CENPT: variants seen among roughly 807,000 people sequenced by gnomAD.
The protein encoded by CENPT is centromere protein T.
CENPT carries 42 observed loss-of-function variants against 59.7 expected under a neutral mutation model. The ratio of observed to expected loss-of-function variants is 0.70; its 90% CI spans 0.55 to 0.91. CENPT has a LOEUF of 0.91. CENPT is among the 40% of genes least tolerant of loss of function. The pLI is 0.00. For synonymous variants in CENPT, 295 were observed against 289.6 expected, an observed-to-expected ratio of 1.02 and a Z score of -0.19; for missense variants, 716 against 713.4, an observed-to-expected ratio of 1.00 and a Z score of -0.04.
Position 67,842,387 on chromosome 16 carries a change from T to G in CENPT, c.-492+5014A>C. Reference sequence around the variant, plus strand: ...GCGGCGCGGGCCGGCAGGAAGCGTATTCTGGGCACGGGGCGCCGGGCGGGC... The same window carrying G: ...GCGGCGCGGGCCGGCAGGAAGCGTAGTCTGGGCACGGGGCGCCGGGCGGGC... On this transcript the variant is annotated intron_variant, in intron 1 of 15. Coordinates refer to ENST00000562787, the MANE Select transcript of CENPT (RefSeq NM_025082.4). The surrounding 1 kb of genome is among the most constrained non-coding windows in gnomAD (Gnocchi z 4.9). 8.5e-5 allele frequency: 26 copies of G among 305,438 alleles called. No homozygotes were observed. Among genetic ancestry groups the G allele is most frequent in the Non-Finnish European group, 1.3e-4 (24 of 189,104 alleles). The allele number at this position is 305,438 out of a possible 1,614,324, so 18.9% of individuals were successfully genotyped here.
intron 13 of CENPT, chr16:67,829,072 CTTA>C: frequency 1.8e-6 from 1 of 545,014 alleles, no homozygotes. Context: ...CTGGTTCAGA[CTTA>C]TTATCTATAT....
chr16:67,831,048 G>A (rs777741681), intron 10 of CENPT, 168 bp downstream of exon 10: 7 of 823,744 alleles, frequency 8.5e-6, no homozygotes, highest in African/African-American at 5.1e-5. Context: ...CAAGGAAAGA[G>A]GCCCCCTGTA....
chr16:67,834,517 G>A (rs2057722870), intron 3 of CENPT, among the ~76,000 whole-genome samples: 1 of 152,122 alleles, frequency 6.6e-6, no homozygotes, highest in African/African-American at 2.4e-5. Flanking sequence ...TAATGGGGAG[G>A]CTGAGGCAGG....
chr16:67,829,967 A>G lies in CENPT; in HGVS notation c.984T>C (p.Asp328=). Residue 328 remains aspartate, a synonymous_variant, in exon 12 of 16, where the codon GAT becomes GAC. Transcript: ENST00000562787. ...SGEDEVEPLH[D]GVEEAEKKME... ...TCTTTTTCTCTGCCTCTTCAACTCC[A>G]TCGTGTAAGGGCTCTACTTCATCTT... The G allele has an allele frequency of 6.2e-7, 1 of 1,613,982 alleles. No homozygotes were observed. Among genetic ancestry groups the G allele is most frequent in the Non-Finnish European group, 8.5e-7 (1 of 1,180,012 alleles).
chr16:67,843,906 A>T lies in CENPT; in HGVS notation c.-492+3495T>A, dbSNP rs549178063. 1 of 176,670 alleles carries T rather than the reference A, an allele frequency of 5.7e-6. No homozygotes were observed. Among genetic ancestry groups the T allele is most frequent in the South Asian group, 1.8e-4 (1 of 5,616 alleles). 10.9% of individuals were successfully genotyped at this position (176,670 alleles called of 1,614,324 possible). A position where few individuals can be genotyped will look rare whatever the true frequency, so the allele number is the denominator to read the frequency against. ...AATGTGTGTAGTGATAAGAGATTCA[A>T]GTAACATCAGTTCTCCTCCTTTTCA... On this transcript the variant is annotated intron_variant, in intron 1 of 15. Coordinates refer to ENST00000562787, the MANE Select transcript of CENPT (RefSeq NM_025082.4). This position sits in a 1 kb window ranked among gnomAD's most constrained non-coding sequence, Gnocchi z 5.7.
At chr16:67,832,619 AG>A (rs2057704486) in intron 4 of CENPT, 74 bp from the exon 5 acceptor site, 1 of 1,368,236 alleles carries the variant, frequency 7.3e-7, no homozygotes, top group South Asian at 1.3e-5. Context: ...TGCCTTCATC[AG>A]GGGTCTTGGT....
Position 67,843,480 on chromosome 16 carries a change from G to A in CENPT, c.-492+3921C>T. 2 of 1,610,890 alleles carry A rather than the reference G, an allele frequency of 1.2e-6. No homozygotes were observed. The highest frequency in any genetic ancestry group is 1.1e-5 in the South Asian group (1 of 90,624). Reference sequence around the variant, plus strand: ...CGGCTGCTTGCCATGGCTGTCATCCGCAAGAAGCACGGAATGTGAACTGGT... The same window carrying A: ...CGGCTGCTTGCCATGGCTGTCATCCACAAGAAGCACGGAATGTGAACTGGT... On this transcript the variant is annotated intron_variant, in intron 1 of 15. Coordinates refer to ENST00000562787, the MANE Select transcript of CENPT (RefSeq NM_025082.4). The surrounding 1 kb of genome is among the most constrained non-coding windows in gnomAD (Gnocchi z 5.7).
Position 67,843,385 on chromosome 16 carries a change from G to A in CENPT, c.-492+4016C>T. The A allele has an allele frequency of 6.2e-7, 1 of 1,614,018 alleles. No homozygotes were observed. Among genetic ancestry groups the A allele is most frequent in the Non-Finnish European group, 8.5e-7 (1 of 1,180,048 alleles). ...CTCTGATGGAAGTGAAGATGAAAGA[G>A]ATGAAAGGCAGCATTCGCCACCTGC... On this transcript the variant is annotated intron_variant, in intron 1 of 15. Coordinates refer to ENST00000562787, the MANE Select transcript of CENPT (RefSeq NM_025082.4). This position sits in a 1 kb window ranked among gnomAD's most constrained non-coding sequence, Gnocchi z 5.7.
At chr16:67,832,682 C>T (rs1225862760) in intron 4 of CENPT, 137 bp from the exon 5 acceptor site, 2 of 686,100 alleles carry the variant, frequency 2.9e-6, no homozygotes, top group Non-Finnish European at 4.9e-6. Flanking sequence ...TTGCCCCTAC[C>T]ATCGCCCCTG....
intron 1 of CENPT, among the ~76,000 whole-genome samples, chr16:67,838,417 T>A (rs1172540797): frequency 1.4e-5 from 2 of 148,126 alleles, no homozygotes; most frequent in Non-Finnish European, 3.0e-5. Context: ...GGGTCAGGAG[T>A]TCGAGACCAG....
chr16:67,828,545 A>G lies in CENPT; in HGVS notation c.1491T>C (p.Asp497=), dbSNP rs1439262957. The G allele has an allele frequency of 1.2e-6, 2 of 1,614,074 alleles. No individual in the cohort carries two copies. The highest frequency in any genetic ancestry group is 1.7e-6 in the Non-Finnish European group (2 of 1,180,042). Residue 497 remains aspartate (D), a synonymous_variant, in exon 15 of 16, where the codon GAT becomes GAC. Coordinates refer to ENST00000562787, the MANE Select transcript of CENPT (RefSeq NM_025082.4). ...LDKYFQHLCD[D]LEVFAAHAGR... The stretch of plus-strand genomic sequence containing the variant: ...CAGCATGAGCAGCAAATACCTCCAG[A>G]TCATCACAAAGATGCTGGAAATATT...
rs771421701 is a variant in CENPT at position 67,828,323 on chromosome 16, G to A, written c.1630C>T (p.Arg544Trp). Reference sequence around the variant, plus strand: ...TATGCACAGGGGATGAGCAGCTGCCGGTACTCCAGGGGCAGGTGCCGCTCC... The same window carrying A: ...TATGCACAGGGGATGAGCAGCTGCCAGTACTCCAGGGGCAGGTGCCGCTCC... ...LVERHLPLEY[R>W]QLLIPCAYSG... Residue 544 changes from arginine to tryptophan, a missense_variant, in exon 16 of 16, where the codon CGG becomes TGG. By Grantham distance (101) the Arg-to-Trp change is moderately radical. Coordinates refer to ENST00000562787, the MANE Select transcript of CENPT (RefSeq NM_025082.4). 8 of 1,608,968 alleles carry A rather than the reference G, an allele frequency of 5.0e-6. No individual in the cohort carries two copies. Among genetic ancestry groups the A allele is most frequent in the Non-Finnish European group, 6.0e-6 (7 of 1,176,258 alleles).
In CENPT at chr16:67,842,923, G is replaced by GCAGCAGCAA. The variant is rs2057774356; in HGVS notation, c.-492+4477_-492+4478insTTGCTGCTG. On this transcript the variant is annotated intron_variant, in intron 1 of 15. Coordinates refer to ENST00000562787, the MANE Select transcript of CENPT (RefSeq NM_025082.4). The surrounding 1 kb of genome is among the most constrained non-coding windows in gnomAD (Gnocchi z 4.9). ...AGCAACAGCAGCAGCAGCAGCAACA[G>GCAGCAGCAA]CAGCAGCAGCAGCAGCAGCAGCAGC... 1.6e-5 allele frequency: 11 copies of GCAGCAGCAA among 705,544 alleles called. No individual in the cohort carries two copies. Among genetic ancestry groups the GCAGCAGCAA allele is most frequent in the East Asian group, 1.0e-4 (2 of 19,232 alleles). 43.7% of individuals were successfully genotyped at this position (705,544 alleles called of 1,614,324 possible).
In CENPT at chr16:67,828,803, G is replaced by T. The variant is rs188159138; in HGVS notation, c.1321C>A (p.Pro441Thr). ...GGGCCGGTGGTCCGGGGCCTAGGGG[G>T]ATGCCTGACCAACAGAGGCTCTGCA... ...EPAEPLLVRH[P>T]PRPRTTGPRP... Residue 441 changes from proline to threonine, a missense_variant, in exon 14 of 16, where the codon CCC (proline) becomes ACC (threonine). Transcript: ENST00000562787. The T allele has an allele frequency of 1.3e-6, 2 of 1,596,282 alleles. No individual in the cohort carries two copies. The highest frequency in any genetic ancestry group is 2.2e-5 in the East Asian group (1 of 44,838).
chr16:67,838,675 T>C (rs570633110), intron 1 of CENPT, among the ~76,000 whole-genome samples: 102 of 150,568 alleles, frequency 6.8e-4, no homozygotes, highest in African/African-American at 2.2e-3. Context: ...CACCTGTAAT[T>C]CCAGCACTTT....
intron 1 of CENPT, among the ~76,000 whole-genome samples, chr16:67,836,943 G>A (rs1238875409): frequency 3.9e-5 from 6 of 151,992 alleles, no homozygotes; most frequent in African/African-American, 9.7e-5. Context: ...GGGTTTCACC[G>A]TGTTAGCCAG....
Position 67,842,716 on chromosome 16 carries a change from C to T in CENPT, c.-492+4685G>A, listed in dbSNP as rs1206458921. The T allele has an allele frequency of 6.2e-7, 1 of 1,604,800 alleles. No homozygotes were observed. The highest frequency in any genetic ancestry group is 8.5e-7 in the Non-Finnish European group (1 of 1,175,730). The stretch of plus-strand genomic sequence containing the variant: ...GTGGGTGCTTCTCCACCTTCCAGCC[C>T]ACCACAGGCCACCGTCTCTGCAGCG... On this transcript the variant is annotated intron_variant, in intron 1 of 15. Transcript: ENST00000562787. This position sits in a 1 kb window ranked among gnomAD's most constrained non-coding sequence, Gnocchi z 4.9.
chr16:67,845,795 G>C (rs535887904), intron 1 of CENPT, among the ~76,000 whole-genome samples: 1 of 152,344 alleles, frequency 6.6e-6, no homozygotes, highest in African/African-American at 2.4e-5. Context: ...CTCACTAGCT[G>C]AGTAATAAGC....
rs988374455 is a variant in CENPT, at chr16:67,833,991, T to A, written c.-132A>T. On this transcript the variant is annotated 5_prime_UTR_variant, in exon 4 of 16. Coordinates refer to ENST00000562787, the MANE Select transcript of CENPT (RefSeq NM_025082.4). Reference sequence around the variant, plus strand: ...ATTGTAGTTCTCGCACTATCGCAGCTCGCGGGGTGGACAGTGATGGTTGCA... The same window carrying A: ...ATTGTAGTTCTCGCACTATCGCAGCACGCGGGGTGGACAGTGATGGTTGCA... 3 of 588,010 alleles carry A rather than the reference T, an allele frequency of 5.1e-6. No individual in the cohort carries two copies. The highest frequency in any genetic ancestry group is 8.5e-5 in the Admixed American group (2 of 23,446). The allele number at this position is 588,010 out of a possible 1,614,324, so 36.4% of individuals were successfully genotyped here.
Sources: gnomAD v4.1 joint callset for allele counts (sites outside exome capture counted in the v4.1 genomes callset) on GRCh38, gnomAD v4.1.1 for gene constraint, Gnocchi (gnomAD v3.1) non-coding constraint, MANE v1.5 for transcripts, NCBI Gene and HGNC (gene_info 2026-07-23, HGNC 2026-07-21) for gene names.